PALM: variants seen among roughly 807,000 people sequenced by gnomAD.
PALM encodes paralemmin, also known as paralemmin-1.
PALM carries 18 observed loss-of-function variants against 30.7 expected under a neutral mutation model. That is an observed-to-expected ratio of 0.59 (90% CI 0.41 to 0.87). PALM has a LOEUF of 0.87. PALM is among the 40% of genes least tolerant of loss of function. The pLI, the probability that PALM is intolerant of heterozygous loss-of-function variation, is 0.00. For missense variants in PALM, 529 were observed against 555.4 expected (o/e 0.95, Z 0.48); for synonymous variants, 286 against 242.8 (o/e 1.18, Z -1.66).
rs560706567 is a variant in PALM at position 723,588 on chromosome 19, G to C, written c.6-2550G>C. 1.6e-4 allele frequency among the ~76,000 whole-genome samples: 24 copies of C among 152,122 alleles called. No individual in the cohort carries two copies. The Middle Eastern group carries it at 0.01, about 65-fold the overall frequency. On this transcript the variant is annotated intron_variant, in intron 1 of 8. Transcript: ENST00000338448. ...CGGTGCTCCTTGCGTTTTTCTTTTTGTTGTTTTGTTTTGTTTTGTTTTTGA... is the reference window on the plus strand; with the variant it reads ...CGGTGCTCCTTGCGTTTTTCTTTTTCTTGTTTTGTTTTGTTTTGTTTTTGA...
Position 727,003 on chromosome 19 carries a change from C to CCCCCGGGAA in PALM, c.58-5_58-4insCCCCGGGAA. ...ATCCCTGACCCCACCCGGCCCTCCC[C>CCCCCGGGAA]ACAGGAGAAGCGGAAGCGGCAGGCG... On this transcript the variant is annotated splice_polypyrimidine_tract_variant and splice_region_variant and intron_variant, in intron 2 of 8. Transcript: ENST00000338448. The CCCCCGGGAA allele has an allele frequency of 6.6e-7, 1 of 1,524,300 alleles. No homozygotes were observed. Among genetic ancestry groups the CCCCCGGGAA allele is most frequent in the Non-Finnish European group, 8.9e-7 (1 of 1,124,962 alleles). The allele number at this position is 1,524,300 out of a possible 1,614,324, so 94.4% of individuals were successfully genotyped here. A position where few individuals can be genotyped will look rare whatever the true frequency, so the allele number is the denominator to read the frequency against.
At chr19:738,219 C>T (rs1384295500) in intron 7 of PALM, among the ~76,000 whole-genome samples, 4 of 151,768 alleles carry the variant, frequency 2.6e-5, no homozygotes, top group East Asian at 1.9e-4. Context: ...GGTGAAACCC[C>T]GTCTCTACTA....
At chr19:713,908 C>CTT (rs200551039) in intron 1 of PALM, among the ~76,000 whole-genome samples, 191 of 123,836 alleles carry the variant, frequency 1.5e-3, no homozygotes, top group African/African-American at 5.2e-3. Context: ...TTCTTTCTTT[C>CTT]TTTTTTTTTT....
At chr19:727,237 C>CGACCCTGACCCT (rs145921312) in intron 3 of PALM, 149 bp downstream of exon 3, 4 of 520,154 alleles carry the variant, frequency 7.7e-6, no homozygotes, top group African/African-American at 2.8e-5. Flanking sequence ...ACCCTGACCC[C>CGACCCTGACCCT]GACCCCGACC....
At position 712,266 on chromosome 19, in the gene PALM, G is replaced by A. The variant is rs550535998; in HGVS notation, c.5+3115G>A. ...TTGAACTCCTGACCTCAGGTGATCC[G>A]CCTGCCTCGGCCTCCCCAAAGTGTT... On this transcript the variant is annotated intron_variant, in intron 1 of 8. Transcript: ENST00000338448. Among the ~76,000 whole-genome samples the A allele has an allele frequency of 1.4e-4, 21 of 151,506 alleles. No homozygotes were observed. In the East Asian group the frequency reaches 4.1e-3, roughly 30 times the overall value.
intron 1 of PALM, among the ~76,000 whole-genome samples, chr19:712,278 C>A (rs886457614): frequency 1.9e-4 from 29 of 151,694 alleles, no homozygotes; most frequent in African/African-American, 7.0e-4. Flanking sequence ...CTGCCTCGGC[C>A]TCCCCAAAGT....
At chr19:717,399 G>T (rs1003981449) in intron 1 of PALM, among the ~76,000 whole-genome samples, 1 of 151,870 alleles carries the variant, frequency 6.6e-6, no homozygotes, top group African/African-American at 2.4e-5. Flanking sequence ...GGGATCACAC[G>T]CTGCGTGGCC....
chr19:744,564 G>A (rs891926312), intron 8 of PALM, among the ~76,000 whole-genome samples: 2 of 151,996 alleles, frequency 1.3e-5, no homozygotes, highest in African/African-American at 4.8e-5. Flanking sequence ...TTCAATTTAA[G>A]ATCAATCAAA....
chr19:719,491 G>A, intron 1 of PALM: 1 of 985,286 alleles, frequency 1.0e-6, no homozygotes, highest in Non-Finnish European at 1.2e-6. Flanking sequence ...GGGGGGCGTG[G>A]CGCTCCAGGG....
chr19:714,771 T>C (rs1272487421), intron 1 of PALM, among the ~76,000 whole-genome samples: 1 of 151,826 alleles, frequency 6.6e-6, no homozygotes, highest in African/African-American at 2.4e-5. Context: ...ACCCAGCCTC[T>C]TGAGTAGCTG....
Position 726,995 on chromosome 19 carries a change from G to GCCCC in PALM, c.58-10_58-9insCCCC. ...CCACGCCCATCCCTGACCCCACCCG[G>GCCCC]CCCTCCCCACAGGAGAAGCGGAAGC... On this transcript the variant is annotated splice_polypyrimidine_tract_variant and intron_variant, in intron 2 of 8. Transcript: ENST00000338448. 2 of 753,614 alleles carry GCCCC rather than the reference G, an allele frequency of 2.7e-6. No individual in the cohort carries two copies. Among genetic ancestry groups the GCCCC allele is most frequent in the Non-Finnish European group, 4.2e-6 (2 of 479,440 alleles). The allele number at this position is 753,614 out of a possible 1,614,324, so 46.7% of individuals were successfully genotyped here.
chr19:710,073 C>G lies in PALM; in HGVS notation c.5+922C>G, dbSNP rs530772447. Among the ~76,000 whole-genome samples, 567 of 152,302 alleles carry G rather than the reference C, an allele frequency of 3.7e-3. 4 individuals carry two copies. Among genetic ancestry groups the G allele is most frequent in the African/African-American group, 0.013 (545 of 41,578 alleles). On this transcript the variant is annotated intron_variant, in intron 1 of 8. Transcript: ENST00000338448. ...GCTCCTCCTGGGGTCACCCACCTGC[C>G]CACTTCAGGACAGGGGAGCCAGCTG...
At chr19:722,890 T>G (rs985411518) in intron 1 of PALM, 1 of 152,226 alleles carries the variant, frequency 6.6e-6, no homozygotes, top group African/African-American at 2.4e-5. Flanking sequence ...CCCGGGCCCC[T>G]GGGAGGCACC....
At position 731,048 on chromosome 19, in the gene PALM, C is replaced by A. The variant is rs763665857; in HGVS notation, c.270-47C>A. 20 of 1,341,506 alleles carry A rather than the reference C, an allele frequency of 1.5e-5. No individual in the cohort carries two copies. The Admixed American group carries it at 1.5e-4, about 10-fold the overall frequency. 83.1% of individuals were successfully genotyped at this position (1,341,506 alleles called of 1,614,324 possible). A position where few individuals can be genotyped will look rare whatever the true frequency, so the allele number is the denominator to read the frequency against. ...TGTCGTACAGAAGGTGCCCAGAGCC[C>A]CACCGGGGATGCAGGAGTCACCCTC... is the stretch of plus-strand genomic sequence containing the variant. On this transcript the variant is annotated intron_variant, in intron 4 of 8. Transcript: ENST00000338448.
rs2031994741 is a variant in PALM, at chr19:709,415, C to T, written c.5+264C>T. On this transcript the variant is annotated intron_variant, in intron 1 of 8. Transcript: ENST00000338448. The surrounding 1 kb of genome is among the most constrained non-coding windows in gnomAD (Gnocchi z 4.3). The stretch of plus-strand genomic sequence containing the variant: ...CGGGCAGCGGCGGCTCGGGCCAGTC[C>T]AGGACGCGGGGAGGGGGAGGCTCGC... Among the ~76,000 whole-genome samples, 1 of 151,722 alleles carries T rather than the reference C, an allele frequency of 6.6e-6. No individual in the cohort carries two copies. Among genetic ancestry groups the T allele is most frequent in the Admixed American group, 6.6e-5 (1 of 15,244 alleles).
At chr19:734,232 A>G (rs755530465) in intron 6 of PALM, 38 bp downstream of exon 6, 3 of 1,605,192 alleles carry the variant, frequency 1.9e-6, no homozygotes, top group African/African-American at 1.3e-5. Flanking sequence ...GCCTCGGCGC[A>G]CTCTGGTGGC....
Position 726,200 on chromosome 19 carries a change from G to A in PALM, c.57+11G>A, listed in dbSNP as rs10408458. 0.019 allele frequency: 30,420 copies of A among 1,611,798 alleles called. 1,028 individuals carry two copies. Among genetic ancestry groups the A allele is most frequent in the African/African-American group, 0.15 (11,369 of 74,956 alleles). On this transcript the variant is annotated intron_variant, in intron 2 of 8. Coordinates refer to ENST00000338448, the MANE Select transcript of PALM (RefSeq NM_002579.3). ...CTGCAGGCCATCGCAGTGAGTTTCC[G>A]CCGCCCCGCAGACGGTGTGGTCAGG...
Position 746,473 on chromosome 19 carries a change from G to A in PALM, c.823G>A (p.Gly275Ser), listed in dbSNP as rs373114264. Reference sequence around the variant, plus strand: ...CACGCCCTCCCGGCGGGAGATCACCGGTGTGCAGGCACAGCCAGGCGAGGC... The same window carrying A: ...CACGCCCTCCCGGCGGGAGATCACCAGTGTGCAGGCACAGCCAGGCGAGGC... ...RTTPSRREIT[G>S]VQAQPGEATS... The change falls in exon 9 of 9, where the codon GGT (glycine) becomes AGT (serine). Residue 275 changes from glycine (G) to serine (S), a missense_variant. Physicochemically the swap from Gly to Ser is moderately conservative, Grantham distance 56 (BLOSUM62 0). Transcript: ENST00000338448. The surrounding 1 kb of genome is among the most constrained non-coding windows in gnomAD (Gnocchi z 7.1). The A allele has an allele frequency of 1.9e-5, 31 of 1,609,670 alleles. No individual in the cohort carries two copies. In the Admixed American group the frequency reaches 2.0e-4, roughly 10 times the overall value.
intron 1 of PALM, among the ~76,000 whole-genome samples, chr19:710,605 C>T (rs1010047290): frequency 3.3e-5 from 5 of 152,042 alleles, no homozygotes; most frequent in African/African-American, 1.2e-4. Flanking sequence ...TTCCTGCCAC[C>T]CCTTCCTTTC....
Sources: allele counts gnomAD v4.1 joint callset (sites outside exome capture counted in the v4.1 genomes callset), GRCh38; gene constraint gnomAD v4.1.1; non-coding constraint Gnocchi (gnomAD v3.1); transcripts MANE v1.5; gene names NCBI Gene and HGNC (gene_info 2026-07-23, HGNC 2026-07-21).